LRRC37A2: variants seen among roughly 807,000 people sequenced by gnomAD.
LRRC37A2 encodes leucine-rich repeat-containing protein 37A2.
Under a neutral mutation model 68.8 loss-of-function variants are expected in LRRC37A2, and 9 were observed. The ratio of observed to expected loss-of-function variants is 0.13; its 90% CI spans 0.08 to 0.23. The LOEUF (loss-of-function observed/expected upper bound fraction) is 0.23. LRRC37A2 is among the 10% of genes least tolerant of loss of function. The pLI is 1.00. For missense variants in LRRC37A2, 168 were observed against 950.4 expected (o/e 0.18, Z 10.82); for synonymous variants, 63 against 367.6 (o/e 0.17, Z 9.48).
chr17:46,942,877 A>G, the LRRC37A2 span, among the ~76,000 whole-genome samples: 1 of 152,138 alleles, frequency 6.6e-6, no homozygotes, highest in Non-Finnish European at 1.5e-5. Flanking sequence ...CTGGGCCCCC[A>G]AGTGCTGTTG....
the LRRC37A2 span, among the ~76,000 whole-genome samples, chr17:46,874,078 A>G: frequency 6.6e-6 from 1 of 151,784 alleles, no homozygotes; most frequent in Non-Finnish European, 1.5e-5. Context: ...CAGCCAAGCT[A>G]ATGGCCTCTC....
the LRRC37A2 span, chr17:46,935,006 A>C: frequency 6.2e-7 from 1 of 1,609,626 alleles, no homozygotes; most frequent in Non-Finnish European, 8.5e-7. Context: ...AAAGTTAATC[A>C]AGTGCCTGTG....
At chr17:46,490,656 G>A in the LRRC37A2 span, among the ~76,000 whole-genome samples, 3 of 149,360 alleles carry the variant, frequency 2.0e-5, no homozygotes, top group East Asian at 2.0e-4. Flanking sequence ...CTCAGGAGGC[G>A]GAGGTTGCAG....
the LRRC37A2 span, chr17:46,966,390 C>T: frequency 1.8e-6 from 1 of 555,052 alleles, no homozygotes; most frequent in Non-Finnish European, 3.2e-6. Context: ...CTTCAAGGCC[C>T]TCAGATACCT....
chr17:46,874,364 A>T, the LRRC37A2 span, among the ~76,000 whole-genome samples: 1 of 152,244 alleles, frequency 6.6e-6, no homozygotes, highest in African/African-American at 2.4e-5. Flanking sequence ...GGCCTCAGAA[A>T]TGGGCCCATC....
the LRRC37A2 span, chr17:46,929,857 A>G: frequency 4.8e-6 from 2 of 415,430 alleles, no homozygotes; most frequent in Non-Finnish European, 8.9e-6. Flanking sequence ...ATCTTAATCT[A>G]ATTACCTAGT....
At chr17:46,826,781 C>CTTTTTT in the LRRC37A2 span, among the ~76,000 whole-genome samples, 1 of 117,682 alleles carries the variant, frequency 8.5e-6, no homozygotes, top group Admixed American at 8.9e-5. Context: ...ATCAGCTGCT[C>CTTTTTT]TTTTTTTTTT....
At chr17:46,745,943 G>C in the LRRC37A2 span, among the ~76,000 whole-genome samples, 1 of 152,144 alleles carries the variant, frequency 6.6e-6, no homozygotes, top group Non-Finnish European at 1.5e-5. Context: ...CTCTGGCTTA[G>C]AATGTCCTTC....
chr17:46,936,965 T>C, the LRRC37A2 span: 1 of 195,038 alleles, frequency 5.1e-6, no homozygotes, highest in African/African-American at 2.6e-5. Context: ...GTGTATTTAT[T>C]AAAAAAAAAA....
chr17:46,621,027 A>G, the LRRC37A2 span, among the ~76,000 whole-genome samples: 1 of 97,768 alleles, frequency 1.0e-5, no homozygotes, highest in African/African-American at 4.6e-5. Flanking sequence ...ACACAACTGT[A>G]GTCCCAGCTA....
the LRRC37A2 span, among the ~76,000 whole-genome samples, chr17:46,980,122 C>G: frequency 6.7e-6 from 1 of 150,226 alleles, no homozygotes; most frequent in Admixed American, 6.6e-5. Flanking sequence ...ACCTCCCCAC[C>G]CCAACCAACC....
chr17:46,520,835 G>T (rs1180825085), intron 4 of LRRC37A2, among the ~76,000 whole-genome samples: 3 of 59,078 alleles, frequency 5.1e-5, no homozygotes, highest in African/African-American at 1.1e-4. Context: ...TAAAGGAGAA[G>T]AAAATGGAGA....
the LRRC37A2 span, chr17:46,721,539 C>CTGTG: frequency 8.4e-7 from 1 of 1,188,764 alleles, no homozygotes; most frequent in Non-Finnish European, 1.2e-6. Flanking sequence ...CATTCTTTTT[C>CTGTG]TGTGTGTGTG....
At chr17:46,965,765 G>A in the LRRC37A2 span, among the ~76,000 whole-genome samples, 1 of 151,818 alleles carries the variant, frequency 6.6e-6, no homozygotes, top group Non-Finnish European at 1.5e-5. Flanking sequence ...TGGGACTACC[G>A]GCACACAGCA....
chr17:46,502,880 T>A, the LRRC37A2 span, among the ~76,000 whole-genome samples: 8 of 150,866 alleles, frequency 5.3e-5, no homozygotes, highest in East Asian at 1.9e-4. Context: ...GTGACTCATG[T>A]TACAGGCTGG....
chr17:46,673,624 C>T, the LRRC37A2 span, among the ~76,000 whole-genome samples: 1 of 6,730 alleles, frequency 1.5e-4, no homozygotes, highest in Non-Finnish European at 1.1e-3. Flanking sequence ...GTTTTTTATT[C>T]CTCACTCCCC....
the LRRC37A2 span, among the ~76,000 whole-genome samples, chr17:46,675,563 C>T: frequency 5.9e-5 from 7 of 118,294 alleles, no homozygotes; most frequent in Non-Finnish European, 1.1e-4. Context: ...TTGGCTAAAA[C>T]GATTATGGAG....
the LRRC37A2 span, among the ~76,000 whole-genome samples, chr17:46,865,709 G>A: frequency 2.0e-5 from 3 of 152,086 alleles, no homozygotes; most frequent in African/African-American, 4.8e-5. Context: ...TTGACCTCCT[G>A]GGCTCAAGCG....
chr17:46,873,839 A>G, the LRRC37A2 span, among the ~76,000 whole-genome samples: 1 of 151,918 alleles, frequency 6.6e-6, no homozygotes, highest in Non-Finnish European at 1.5e-5. Context: ...AAAATACAAA[A>G]ATTAGCTGGC....
Sources: allele counts gnomAD v4.1 joint callset (sites outside exome capture counted in the v4.1 genomes callset), GRCh38; gene constraint gnomAD v4.1.1; transcripts MANE v1.5; gene names NCBI Gene and HGNC (gene_info 2026-07-23, HGNC 2026-07-21).